The following ANAPC1 variants were observed in gnomAD, a reference collection of about 807,000 sequenced individuals.
The protein encoded by ANAPC1 is anaphase-promoting complex subunit 1.
A neutral mutation model predicts 208.0 loss-of-function variants in ANAPC1; 36 were observed. The observed-to-expected ratio is 0.17, with a 90% CI of 0.13 to 0.23. ANAPC1 has a LOEUF of 0.23. Among genes scored for constraint, ANAPC1 ranks in the 10% least tolerant of loss-of-function variants. The pLI, the probability that ANAPC1 is intolerant of heterozygous loss-of-function variation, is 1.00. For synonymous variants in ANAPC1, 378 were observed against 695.2 expected, an observed-to-expected ratio of 0.54 and a Z score of 7.18; for missense variants, 942 against 2,011.6, an observed-to-expected ratio of 0.47 and a Z score of 10.17.
At position 111,832,419 on chromosome 2, in the gene ANAPC1, A is replaced by C. The variant is rs567919286; in HGVS notation, c.2476+801T>G. On this transcript the variant is annotated intron_variant, in intron 20 of 47. Transcript: ENST00000341068. ...GGTCTGTTCCAACAACTGGGCCCCA[A>C]ATTTCAGTACCTTTAGCTCAGGGTC... Among the ~76,000 whole-genome samples the C allele has an allele frequency of 9.2e-5, 14 of 152,198 alleles. No homozygotes were observed. The South Asian group carries it at 2.5e-3, about 27-fold the overall frequency.
chr2:111,772,473 C>T lies in ANAPC1; in HGVS notation c.5587G>A (p.Gly1863Arg), dbSNP rs757342710. The T allele has an allele frequency of 3.0e-5, 42 of 1,414,230 alleles. No homozygotes were observed. In the African/African-American group the frequency reaches 4.9e-4, roughly 16 times the overall value. The allele number at this position is 1,414,230 out of a possible 1,614,324, so 87.6% of individuals were successfully genotyped here. ...TAGGCGTGCACACACATATCACCCC[C>T]GACTGTGAGAGAAACAAATGGAACG... The part of the protein sequence containing the change: ...DNTLDQWLQV[G>R]GDMCVHAYLS... The change falls in exon 47 of 48, where the codon GGG becomes AGG. Residue 1863 changes from glycine (G) to arginine (R), a missense_variant and splice_region_variant. Physicochemically the swap from Gly to Arg is moderately radical, Grantham distance 125 (BLOSUM62 -2). Coordinates refer to ENST00000341068, the MANE Select transcript of ANAPC1 (RefSeq NM_022662.4).
intron 21 of ANAPC1, among the ~76,000 whole-genome samples, chr2:111,830,732 A>G (rs993939019): frequency 6.6e-6 from 1 of 152,254 alleles, no homozygotes; most frequent in Non-Finnish European, 1.5e-5. Context: ...AATAAAAAAG[A>G]GTGACAATAC....
Position 111,880,655 on chromosome 2 carries a change from C to A in ANAPC1, c.171G>T (p.Leu57Phe). 1 of 1,613,004 alleles carries A rather than the reference C, an allele frequency of 6.2e-7. No individual in the cohort carries two copies. Among genetic ancestry groups the A allele is most frequent in the South Asian group, 1.1e-5 (1 of 91,036 alleles). The change falls in exon 2 of 48, where the codon TTG (leucine) becomes TTT (phenylalanine). Residue 57 changes from leucine to phenylalanine, a missense_variant. By Grantham distance (22) the Leu-to-Phe change is conservative. Coordinates refer to ENST00000341068, the MANE Select transcript of ANAPC1 (RefSeq NM_022662.4). ...ELWSSDGAAG[L>F]VGSLQEVTIH... Reference sequence around the variant, plus strand: ...TTGTAACCTCCTGAAGGGATCCCACCAAGCCAGCAGCACCATCAGAAGACC... The same window carrying A: ...TTGTAACCTCCTGAAGGGATCCCACAAAGCCAGCAGCACCATCAGAAGACC...
intron 40 of ANAPC1, among the ~76,000 whole-genome samples, chr2:111,785,025 GT>G (rs1465932726): frequency 2.0e-5 from 2 of 97,710 alleles, no homozygotes; most frequent in East Asian, 6.0e-4. Context: ...ACAATTTTGG[GT>G]TTTCAAGTTT....
chr2:111,781,075 G>A (rs1573309244), intron 43 of ANAPC1, among the ~76,000 whole-genome samples: 1 of 149,800 alleles, frequency 6.7e-6, no homozygotes, highest in South Asian at 2.1e-4. Flanking sequence ...AATAAATTGT[G>A]TGCATTTTAC....
At chr2:111,812,916 G>C (rs1679064676) in intron 28 of ANAPC1, among the ~76,000 whole-genome samples, 1 of 115,784 alleles carries the variant, frequency 8.6e-6, no homozygotes, top group Non-Finnish European at 1.8e-5. Context: ...CACTAAAAGA[G>C]AGTCTGCCCC....
At chr2:111,772,500 A>G in intron 46 of ANAPC1, 25 bp from the exon 47 acceptor site, 1 of 1,113,356 alleles carries the variant, frequency 9.0e-7, no homozygotes, top group Non-Finnish European at 1.3e-6. Context: ...AATGGAACGG[A>G]ACCAACTGAT....
intron 16 of ANAPC1, among the ~76,000 whole-genome samples, chr2:111,845,853 T>C (rs1448503805): frequency 6.6e-6 from 1 of 151,728 alleles, no homozygotes; most frequent in African/African-American, 2.4e-5. Context: ...CGGGCACCTG[T>C]AGTCCCAGCT....
chr2:111,880,346 C>T (rs144415048), intron 2 of ANAPC1: 9,372 of 451,354 alleles, frequency 0.021, 803 homozygotes, highest in African/African-American at 0.18. Flanking sequence ...CACTCCAGCC[C>T]GGGCAAAAAG....
At chr2:111,766,882 G>C, downstream of ANAPC1, 3 of 459,464 alleles carry the variant, frequency 6.5e-6, no homozygotes, top group South Asian at 1.6e-5. Context: ...TGTGGAGTCA[G>C]CTAGTTACTA....
At chr2:111,790,897 T>A (rs2685922) in intron 38 of ANAPC1, among the ~76,000 whole-genome samples, 1 of 151,602 alleles carries the variant, frequency 6.6e-6, no homozygotes. Flanking sequence ...AGTAGAATGG[T>A]GGCTGCCAGA....
rs368585280 is a variant in ANAPC1 at position 111,841,574 on chromosome 2, A to G, written c.2040+1838T>C. Among the ~76,000 whole-genome samples the G allele has an allele frequency of 2.3e-4, 35 of 152,252 alleles. No individual in the cohort carries two copies. The East Asian group carries it at 2.5e-3, about 11-fold the overall frequency. On this transcript the variant is annotated intron_variant, in intron 17 of 47. Coordinates refer to ENST00000341068, the MANE Select transcript of ANAPC1 (RefSeq NM_022662.4). ...TGCTCAGGGAACAGAGCTGAGGCCA[A>G]TGTGGCTGGGATGATGTGTGCAAAG...
chr2:111,832,937 CAAAAAAAAAA>C (rs908553180), intron 20 of ANAPC1, among the ~76,000 whole-genome samples: 3 of 53,628 alleles, frequency 5.6e-5, no homozygotes, highest in Non-Finnish European at 1.1e-4. Flanking sequence ...GACTCAGTCT[CAAAAAAAAAA>C]AAAAAAAAAG....
rs147457004 is a variant in ANAPC1 at position 111,831,398 on chromosome 2, G to A, written c.2513C>T (p.Thr838Met). 0.011 allele frequency: 17,699 copies of A among 1,610,706 alleles called. 117 individuals are homozygous for A. The highest frequency in any genetic ancestry group is 0.015 in the Middle Eastern group (65 of 4,424). ...TGFMHHPSFF[T>M]SEPPSIYQWV... Reference sequence around the variant, plus strand: ...CTGATAAATACTTGGTGGCTCAGACGTAAAAAATGATGGATGATGCATAAA... The same window carrying A: ...CTGATAAATACTTGGTGGCTCAGACATAAAAAATGATGGATGATGCATAAA... The change falls in exon 21 of 48, where the codon ACG becomes ATG. Residue 838 changes from threonine to methionine, a missense_variant. By Grantham distance (81) the Thr-to-Met change is moderately conservative. Coordinates refer to ENST00000341068, the MANE Select transcript of ANAPC1 (RefSeq NM_022662.4).
chr2:111,868,168 A>G (rs1182923793), intron 6 of ANAPC1, 72 bp from the exon 7 acceptor site: 9 of 987,636 alleles, frequency 9.1e-6, no homozygotes, highest in Non-Finnish European at 1.2e-5. Flanking sequence ...ACTTCTATTG[A>G]AAAGAAATCT....
At chr2:111,846,559 A>ATTTTTTTTTTT (rs775041785) in intron 16 of ANAPC1, among the ~76,000 whole-genome samples, 1 of 46,298 alleles carries the variant, frequency 2.2e-5, no homozygotes, top group Non-Finnish European at 3.9e-5. Flanking sequence ...ATATATATAT[A>ATTTTTTTTTTT]TTTTTTTTTT....
At chr2:111,882,052 C>T (rs954004870) in intron 1 of ANAPC1, among the ~76,000 whole-genome samples, 42 of 152,104 alleles carry the variant, frequency 2.8e-4, no homozygotes, top group Non-Finnish European at 4.9e-4. Context: ...GACTTGGTGG[C>T]GGGCACCTGT....
At chr2:111,858,555 T>G (rs1182150717) in intron 10 of ANAPC1, among the ~76,000 whole-genome samples, 154 bp from the exon 11 acceptor site, 1 of 151,970 alleles carries the variant, frequency 6.6e-6, no homozygotes, top group Non-Finnish European at 1.5e-5. Flanking sequence ...GGTCAGGAGA[T>G]CCAGACTATC....
At chr2:111,849,782 C>T (rs1681289861) in intron 14 of ANAPC1, among the ~76,000 whole-genome samples, 1 of 151,602 alleles carries the variant, frequency 6.6e-6, no homozygotes, top group South Asian at 2.1e-4. Context: ...CAGACAACCT[C>T]ACTTGGAGGC....
Sources: gnomAD v4.1 joint callset for allele counts (sites outside exome capture counted in the v4.1 genomes callset) on GRCh38, gnomAD v4.1.1 for gene constraint, MANE v1.5 for transcripts, NCBI Gene and HGNC (gene_info 2026-07-23, HGNC 2026-07-21) for gene names.